PKP2: variants seen among roughly 807,000 people sequenced by gnomAD.
PKP2 encodes plakophilin 2.
A neutral mutation model predicts 83.4 loss-of-function variants in PKP2; 73 were observed. The observed-to-expected ratio is 0.88, with a 90% CI of 0.72 to 1.06. The LOEUF is 1.06. PKP2 is among the 50% of genes least tolerant of loss of function. PKP2 has a pLI of 0.00. For missense variants in PKP2, 966 were observed against 1,065.4 expected, an observed-to-expected ratio of 0.91 and a Z score of 1.30; for synonymous variants, 409 against 430.4, an observed-to-expected ratio of 0.95 and a Z score of 0.62.
intron 6 of PKP2, among the ~76,000 whole-genome samples, chr12:32,832,009 T>C (rs1460052568): frequency 2.0e-5 from 3 of 152,224 alleles, no homozygotes; most frequent in Non-Finnish European, 4.4e-5. Context: ...CCCTGAAGCT[T>C]AGTTCATAAA....
intron 3 of PKP2, among the ~76,000 whole-genome samples, chr12:32,872,280 T>C (rs1263140136): frequency 6.6e-6 from 1 of 151,942 alleles, no homozygotes; most frequent in Non-Finnish European, 1.5e-5. Flanking sequence ...TACCTGTAAT[T>C]CCAGCACTTT....
At chr12:32,881,431 C>G (rs1481354920) in intron 1 of PKP2, among the ~76,000 whole-genome samples, 2 of 151,992 alleles carry the variant, frequency 1.3e-5, no homozygotes, top group African/African-American at 4.8e-5. Flanking sequence ...AAATTTTTTT[C>G]TATAAATTTT....
chr12:32,814,953 C>A (rs1055896053), intron 9 of PKP2, among the ~76,000 whole-genome samples: 4 of 151,908 alleles, frequency 2.6e-5, no homozygotes, highest in African/African-American at 9.7e-5. Flanking sequence ...ATAATCTCAA[C>A]AATCTTGTCA....
intron 5 of PKP2, among the ~76,000 whole-genome samples, chr12:32,846,833 C>G (rs911157794): frequency 6.6e-6 from 1 of 151,188 alleles, no homozygotes; most frequent in Non-Finnish European, 1.5e-5. Context: ...AAGACAAGCC[C>G]CTTCTCAAAG....
At chr12:32,804,754 A>G (rs1253255193) in intron 9 of PKP2, among the ~76,000 whole-genome samples, 1 of 152,220 alleles carries the variant, frequency 6.6e-6, no homozygotes, top group African/African-American at 2.4e-5. Context: ...TAGTGCTGCA[A>G]TGAACAAACA....
chr12:32,867,218 C>A (rs1592758060), intron 4 of PKP2, among the ~76,000 whole-genome samples: 1 of 152,172 alleles, frequency 6.6e-6, no homozygotes, highest in Non-Finnish European at 1.5e-5. Context: ...GTCCCAGCTA[C>A]CCAGGAGGCT....
In PKP2 at chr12:32,877,964, G is replaced by A. The variant is rs1209340253; in HGVS notation, c.916C>T (p.Pro306Ser). Residue 306 changes from proline (P) to serine (S), a missense_variant, in exon 3 of 13, where the codon CCC becomes TCC. Coordinates refer to ENST00000340811, the MANE Select transcript of PKP2 (RefSeq NM_001005242.3). The part of the protein sequence containing the change: ...HSTRTLREAG[P>S]SVAVDSSGRR... ...CCGCTGGAATCCACGGCGACACTGGGCCCAGCTTCCCTCAGCGTGCGGGTG... is the reference window on the plus strand; with the variant it reads ...CCGCTGGAATCCACGGCGACACTGGACCCAGCTTCCCTCAGCGTGCGGGTG... The A allele has an allele frequency of 2.5e-6, 4 of 1,614,124 alleles. No individual in the cohort carries two copies. The highest frequency in any genetic ancestry group is 3.4e-6 in the Non-Finnish European group (4 of 1,180,032).
intron 3 of PKP2, among the ~76,000 whole-genome samples, chr12:32,869,900 G>GT (rs1241476525): frequency 6.6e-6 from 1 of 152,024 alleles, no homozygotes; most frequent in African/African-American, 2.4e-5. Flanking sequence ...GTGGTGGCAT[G>GT]TGCCTGTAGA....
chr12:32,878,488 C>G lies in PKP2; in HGVS notation c.392G>C (p.Ser131Thr). 1 of 1,613,332 alleles carries G rather than the reference C, an allele frequency of 6.2e-7. No individual in the cohort carries two copies. The highest frequency in any genetic ancestry group is 8.5e-7 in the Non-Finnish European group (1 of 1,179,614). The stretch of plus-strand genomic sequence containing the variant: ...CCTTTCTTCCACGGACTTCTGGGAG[C>G]TGTACTGTGCTGTTCCTCTTCCCCA... ...GRWGRGTAQY[S>T]SQKSVEERSL... is the part of the protein sequence containing the mutation. The change falls in exon 3 of 13, where the codon AGC becomes ACC. Residue 131 changes from serine to threonine, a missense_variant. Ser to Thr is a moderately conservative substitution (Grantham distance 58, BLOSUM62 1). Transcript: ENST00000340811.
chr12:32,863,209 C>A (rs1473058413), intron 4 of PKP2: 2 of 236,748 alleles, frequency 8.4e-6, no homozygotes, highest in Non-Finnish European at 1.8e-5. Context: ...TGTTTATGCC[C>A]GAGATGAAAC....
intron 1 of PKP2, among the ~76,000 whole-genome samples, chr12:32,896,159 A>T (rs1446541909): frequency 6.6e-6 from 1 of 152,216 alleles, no homozygotes; most frequent in Non-Finnish European, 1.5e-5. Context: ...TCTGCATAGC[A>T]TCTCAAGGTG....
intron 1 of PKP2, among the ~76,000 whole-genome samples, chr12:32,884,473 C>T (rs183270803): frequency 5.9e-5 from 9 of 152,164 alleles, no homozygotes; most frequent in African/African-American, 1.7e-4. Context: ...AATAAATATA[C>T]AGTCTTCCCT....
intron 7 of PKP2, among the ~76,000 whole-genome samples, chr12:32,823,691 C>G (rs575720392): frequency 1.5e-4 from 23 of 151,554 alleles, no homozygotes; most frequent in Non-Finnish European, 2.2e-4. Context: ...ACTGCAAGCT[C>G]TGGGGTTCAT....
At chr12:32,846,797 A>G (rs1427460100) in intron 5 of PKP2, among the ~76,000 whole-genome samples, 1 of 151,340 alleles carries the variant, frequency 6.6e-6, no homozygotes, top group East Asian at 1.9e-4. Context: ...GGAGTGAGGA[A>G]GAGCTCTCTG....
intron 4 of PKP2, among the ~76,000 whole-genome samples, chr12:32,860,748 G>A (rs974677234): frequency 1.3e-5 from 2 of 152,050 alleles, no homozygotes; most frequent in Non-Finnish European, 2.9e-5. Flanking sequence ...GTAGAATTTG[G>A]TCTGGGCGCG....
At position 32,821,539 on chromosome 12, in the gene PKP2, C is replaced by A; in HGVS notation, c.1840-10G>T. 3 of 1,613,894 alleles carry A rather than the reference C, an allele frequency of 1.9e-6. No homozygotes were observed. The highest frequency in any genetic ancestry group is 2.5e-6 in the Non-Finnish European group (3 of 1,179,888). On this transcript the variant is annotated splice_polypyrimidine_tract_variant and intron_variant, in intron 8 of 12. Coordinates refer to ENST00000340811, the MANE Select transcript of PKP2 (RefSeq NM_001005242.3). ...GCACGTCCTGGTATTGCTGACCACA[C>A]ACAAAAGGAATCCAGAATTAATGCA... is the stretch of plus-strand genomic sequence containing the variant.
rs369389836 is a variant in PKP2, at chr12:32,882,726, C to T, written c.224-3694G>A. 3.3e-5 allele frequency among the ~76,000 whole-genome samples: 5 copies of T among 152,256 alleles called. No homozygotes were observed. The East Asian group carries it at 9.6e-4, about 29-fold the overall frequency. Reference sequence around the variant, plus strand: ...TAAGGAGCTCAAATTATTTTATGTTCCTTTATAATATTCTGTGATGCGGAG... The same window carrying T: ...TAAGGAGCTCAAATTATTTTATGTTTCTTTATAATATTCTGTGATGCGGAG... On this transcript the variant is annotated intron_variant, in intron 1 of 12. Coordinates refer to ENST00000340811, the MANE Select transcript of PKP2 (RefSeq NM_001005242.3).
rs181098323 is a variant in PKP2, at chr12:32,877,927, T to G, written c.953A>C (p.His318Pro). Reference protein sequence around the residue: ...VAVDSSGRRAHLTVGQAAAGG... With the variant: ...VAVDSSGRRAPLTVGQAAAGG... ...TGCGGCCGCCTGGCCGACAGTCAAG[T>G]GCGCTCTCCTCCCGCTGGAATCCAC... The change falls in exon 3 of 13, where the codon CAC becomes CCC. Residue 318 changes from histidine (H) to proline (P), a missense_variant. His to Pro is a moderately conservative substitution (Grantham distance 77, BLOSUM62 -2). Coordinates refer to ENST00000340811, the MANE Select transcript of PKP2 (RefSeq NM_001005242.3). 358 of 1,614,144 alleles carry G rather than the reference T, an allele frequency of 2.2e-4. 4 individuals carry two copies. The East Asian group carries it at 7.9e-3, about 36-fold the overall frequency.
At chr12:32,861,220 A>G (rs534600052) in intron 4 of PKP2, among the ~76,000 whole-genome samples, 1 of 152,324 alleles carries the variant, frequency 6.6e-6, no homozygotes, top group African/African-American at 2.4e-5. Flanking sequence ...AATATGACCC[A>G]TAATATGGAG....
Sources: gnomAD v4.1 joint callset for allele counts (sites outside exome capture counted in the v4.1 genomes callset) on GRCh38, gnomAD v4.1.1 for gene constraint, MANE v1.5 for transcripts, NCBI Gene and HGNC (gene_info 2026-07-23, HGNC 2026-07-21) for gene names.